Variants in ARSA observed in about 807,000 individuals in gnomAD.
ARSA encodes the protein arylsulfatase A.
Under a neutral mutation model 37.8 loss-of-function variants are expected in ARSA, and 32 were observed. The observed-to-expected ratio is 0.85, with a 90% confidence interval of 0.64 to 1.14. The LOEUF (loss-of-function observed/expected upper bound fraction) is 1.14. Ranked by LOEUF, ARSA falls within the 50% of genes most tolerant of loss-of-function variation. The pLI is 0.00. For missense variants in ARSA, 685 were observed against 686.3 expected (o/e 1.00, Z 0.02); for synonymous variants, 303 against 303.4 (o/e 1.00, Z 0.01).
rs1012982702 is a variant in ARSA at position 50,627,830 on chromosome 22, G to C, written c.-51C>G. ...AGGGAGGGCTACTTGGCTCCAGCAG[G>C]CTCTTTCCGATACCGCAGACCCAGG... On this transcript the variant is annotated 5_prime_UTR_variant, in exon 1 of 8. Coordinates refer to ENST00000216124, the MANE Select transcript of ARSA (RefSeq NM_000487.6). 5 of 1,498,760 alleles carry C rather than the reference G, an allele frequency of 3.3e-6. No homozygotes were observed. In the African/African-American group the frequency reaches 5.5e-5, roughly 17 times the overall value. 92.8% of individuals were successfully genotyped at this position (1,498,760 alleles called of 1,614,324 possible).
Position 50,625,968 on chromosome 22 carries a change from C to T in ARSA, c.1075G>A (p.Asp359Asn), listed in dbSNP as rs1197366514. 2 of 1,573,774 alleles carry T rather than the reference C, an allele frequency of 1.3e-6. No individual in the cohort carries two copies. Among genetic ancestry groups the T allele is most frequent in the Admixed American group, 3.9e-5 (2 of 51,918 alleles). The change falls in exon 6 of 8, where the codon GAC becomes AAC. Residue 359 changes from aspartate (D) to asparagine (N), a missense_variant. Coordinates refer to ENST00000216124, the MANE Select transcript of ARSA (RefSeq NM_000487.6). ...PLPNVTLDGF[D>N]LSPLLLGTGK... ...GTGCCCAGCAGCAGGGGGCTGAGGT[C>T]AAAGCCATCCAAGGTGACATTGGGC...
rs1376355508 is a variant in ARSA at position 50,627,723 on chromosome 22, A to G, written c.57T>C (p.Val19=). 2.6e-6 allele frequency: 4 copies of G among 1,553,472 alleles called. No homozygotes were observed. Among genetic ancestry groups the G allele is most frequent in the Non-Finnish European group, 3.5e-6 (4 of 1,148,646 alleles). ...TCAGCACGATGTTGGGCGGACGGGC[A>G]ACGGCCAGGCCAGCAGCCAGGGCCA... is the stretch of plus-strand genomic sequence containing the variant. The part of the protein sequence containing the change: ...LLLALAAGLA[V]ARPPNIVLIF... The change falls in exon 1 of 8, where the codon GTT becomes GTC. Residue 19 remains valine, a synonymous_variant. Transcript: ENST00000216124.
In ARSA at chr22:50,625,673, C is replaced by T; in HGVS notation, c.1116G>A (p.Arg372=). 6.2e-7 allele frequency: 1 copy of T among 1,613,476 alleles called. No individual in the cohort carries two copies. The highest frequency in any genetic ancestry group is 1.1e-5 in the South Asian group (1 of 91,076). ...AGGACGGGTAGAAGAAGAGAGACTG[C>T]CGAGGGCTCTGGGGGCAGAGTCAGG... is the stretch of plus-strand genomic sequence containing the variant. The part of the protein sequence containing the change: ...PLLLGTGKSP[R]QSLFFYPSYP... Residue 372 remains arginine, a synonymous_variant, in exon 7 of 8, where the codon CGG becomes CGA. Coordinates refer to ENST00000216124, the MANE Select transcript of ARSA (RefSeq NM_000487.6).
intron 6 of ARSA, 29 bp downstream of exon 6, chr22:50,625,907 G>T: frequency 6.4e-7 from 1 of 1,565,668 alleles, no homozygotes. Flanking sequence ...AGGGGCCAAG[G>T]ATCTGGGATC....
Position 50,627,208 on chromosome 22 carries a change from C to T in ARSA, c.423G>A (p.Gln141=). 6.2e-7 allele frequency: 1 copy of T among 1,612,770 alleles called. No individual in the cohort carries two copies. The highest frequency in any genetic ancestry group is 8.5e-7 in the Non-Finnish European group (1 of 1,179,634). ...GPEGAFLPPH[Q]GFHRFLGIPY... The stretch of plus-strand genomic sequence containing the variant: ...GGATGCCTAGAAATCGATGGAAGCC[C>T]TGATGGGGGGGCAGGAAGGCCCCCT... Residue 141 remains glutamine, a synonymous_variant, in exon 2 of 8, where the codon CAG becomes CAA. Coordinates refer to ENST00000216124, the MANE Select transcript of ARSA (RefSeq NM_000487.6).
Position 50,627,548 on chromosome 22 carries a change from C to T in ARSA, c.224+8G>A, listed in dbSNP as rs775536824. On this transcript the variant is annotated splice_region_variant and intron_variant, in intron 1 of 7. Coordinates refer to ENST00000216124, the MANE Select transcript of ARSA (RefSeq NM_000487.6). ...CGGGGCGGGGAAGAGGCGCGGCCCCCTCTTTACCTAGAGGGTGTGCACAGA... is the reference window on the plus strand; with the variant it reads ...CGGGGCGGGGAAGAGGCGCGGCCCCTTCTTTACCTAGAGGGTGTGCACAGA... 1.6e-5 allele frequency: 25 copies of T among 1,560,450 alleles called. No homozygotes were observed. In the East Asian group the frequency reaches 1.9e-4, roughly 12 times the overall value.
rs746259972 is a variant in ARSA at position 50,627,306 on chromosome 22, C to T, written c.325G>A (p.Val109Met). The T allele has an allele frequency of 2.5e-5, 39 of 1,587,362 alleles. 1 individual carries two copies. The highest frequency in any genetic ancestry group is 1.7e-4 in the Middle Eastern group (1 of 6,042). ...RGGLPLEEVT[V>M]AEVLAARGYL... ...CCTCGGGCAGCCAGGACTTCGGCCA[C>T]GGTCACCTCCTCCAGGGGCAGGCCC... Residue 109 changes from valine to methionine, a missense_variant, in exon 2 of 8, where the codon GTG becomes ATG. Val to Met is a conservative substitution (Grantham distance 21). Coordinates refer to ENST00000216124, the MANE Select transcript of ARSA (RefSeq NM_000487.6).
chr22:50,625,862 C>T, intron 6 of ARSA, 74 bp downstream of exon 6: 1 of 1,550,122 alleles, frequency 6.5e-7, no homozygotes, highest in Non-Finnish European at 8.7e-7. Flanking sequence ...GACTCTCAGG[C>T]ACTGCCCACA....
In ARSA at chr22:50,627,611, C is replaced by T. The variant is rs957552414; in HGVS notation, c.169G>A (p.Gly57Arg). ...TTPNLDQLAA[G>R]GLRFTDFYVP... Reference sequence around the variant, plus strand: ...TAGAAGTCTGTGAACCGCAGCCCTCCCGCCGCCAGCTGGTCCAGGTTGGGA... The same window carrying T: ...TAGAAGTCTGTGAACCGCAGCCCTCTCGCCGCCAGCTGGTCCAGGTTGGGA... The change falls in exon 1 of 8, where the codon GGA becomes AGA. Residue 57 changes from glycine to arginine, a missense_variant. Coordinates refer to ENST00000216124, the MANE Select transcript of ARSA (RefSeq NM_000487.6). The T allele has an allele frequency of 4.2e-5, 66 of 1,563,096 alleles. No individual in the cohort carries two copies. Among genetic ancestry groups the T allele is most frequent in the Non-Finnish European group, 5.5e-5 (64 of 1,153,310 alleles).
In ARSA at chr22:50,626,501, AC is replaced by A. The variant is rs561200237; in HGVS notation, c.854+89del. On this transcript the variant is annotated intron_variant, in intron 4 of 7. Coordinates refer to ENST00000216124, the MANE Select transcript of ARSA (RefSeq NM_000487.6). Reference sequence around the variant, plus strand: ...AGCATCTCCTGGCACCCCCTCACCCACTATGTTCTTGGCAAGCAGCTGAACT... The same window carrying A: ...AGCATCTCCTGGCACCCCCTCACCCATATGTTCTTGGCAAGCAGCTGAACT... 1,286 of 1,582,400 alleles carry A rather than the reference AC, an allele frequency of 8.1e-4. 19 individuals carry two copies. Among genetic ancestry groups the A allele is most frequent in the South Asian group, 7.9e-3 (707 of 89,696 alleles).
At position 50,625,230 on chromosome 22, in the gene ARSA, C is replaced by T. The variant is rs745438306; in HGVS notation, c.1445G>A (p.Gly482Asp). 3 of 1,610,022 alleles carry T rather than the reference C, an allele frequency of 1.9e-6. No individual in the cohort carries two copies. The highest frequency in any genetic ancestry group is 1.7e-5 in the Admixed American group (1 of 59,810). The change falls in exon 8 of 8, where the codon GGC (glycine) becomes GAC (aspartate). Residue 482 changes from glycine (G) to aspartate (D), a missense_variant. Transcript: ENST00000216124. ...GCAGATCTGCAGGGCGGGGTCCTCG[C>T]CCCGGGCCACCTGGCTGGGGCCGAA... Reference protein sequence around the residue: ...VTFGPSQVARGEDPALQICCH... With the variant: ...VTFGPSQVARDEDPALQICCH...
rs60504011 is a variant in ARSA at position 50,627,219 on chromosome 22, G to T, written c.412C>A (p.Pro138Thr). The change falls in exon 2 of 8, where the codon CCC becomes ACC. Residue 138 changes from proline (P) to threonine (T), a missense_variant. By Grantham distance (38) the Pro-to-Thr change is conservative (BLOSUM62 -1). Coordinates refer to ENST00000216124, the MANE Select transcript of ARSA (RefSeq NM_000487.6). ...LGVGPEGAFL[P>T]PHQGFHRFLG... is the part of the protein sequence containing the mutation. Reference sequence around the variant, plus strand: ...AATCGATGGAAGCCCTGATGGGGGGGCAGGAAGGCCCCCTCAGGCCCCACC... The same window carrying T: ...AATCGATGGAAGCCCTGATGGGGGGTCAGGAAGGCCCCCTCAGGCCCCACC... 6.2e-7 allele frequency: 1 copy of T among 1,611,904 alleles called. No individual in the cohort carries two copies. Among genetic ancestry groups the T allele is most frequent in the Non-Finnish European group, 8.5e-7 (1 of 1,179,304 alleles).
rs2082703290 is a variant in ARSA at position 50,627,791 on chromosome 22, G to A, written c.-12C>T. 6.5e-7 allele frequency: 1 copy of A among 1,539,984 alleles called. No individual in the cohort carries two copies. Among genetic ancestry groups the A allele is most frequent in the Non-Finnish European group, 8.7e-7 (1 of 1,146,186 alleles). On this transcript the variant is annotated 5_prime_UTR_variant, in exon 1 of 8. Transcript: ENST00000216124. ...GCCCCCATGGACATGGGACCGAGGGGTCTGTCCCAAGAGAGGGAGGGCTAC... is the reference window on the plus strand; with the variant it reads ...GCCCCCATGGACATGGGACCGAGGGATCTGTCCCAAGAGAGGGAGGGCTAC...
intron 6 of ARSA, 120 bp from the exon 7 acceptor site, chr22:50,625,801 G>C (rs2082655126): frequency 6.5e-7 from 1 of 1,542,402 alleles, no homozygotes; most frequent in Admixed American, 1.9e-5. Context: ...CCAGGAACCT[G>C]AGAGGTGGCG....
rs758790900 is a variant in ARSA, at chr22:50,627,358, A to C, written c.273T>G (p.Pro91=). ...CCCGGGAGCTGGGCACCAGGACGCC[A>C]GGGTACATGCCCATCCGAACCGGGA... ...GRLPVRMGMY[P]GVLVPSSRGG... Residue 91 remains proline (P), a synonymous_variant, in exon 2 of 8, where the codon CCT becomes CCG. Transcript: ENST00000216124. 7 of 1,601,602 alleles carry C rather than the reference A, an allele frequency of 4.4e-6. No individual in the cohort carries two copies. The East Asian group carries it at 1.3e-4, about 31-fold the overall frequency.
chr22:50,625,827 T>C, intron 6 of ARSA, 109 bp downstream of exon 6: 3 of 1,541,692 alleles, frequency 1.9e-6, no homozygotes, highest in Non-Finnish European at 2.6e-6. Context: ...TGGATGCCAC[T>C]CAGTGCAGGA....
At chr22:50,626,128 T>C (rs956304504) in intron 5 of ARSA, 26 bp downstream of exon 5, 1 of 1,599,584 alleles carries the variant, frequency 6.3e-7, no homozygotes, top group Non-Finnish European at 8.5e-7. Context: ...GGGCCAGGGT[T>C]CCAAGGAGAG....
chr22:50,625,854 C>G (rs2082655774), intron 6 of ARSA, 82 bp downstream of exon 6: 7 of 1,547,176 alleles, frequency 4.5e-6, no homozygotes, highest in African/African-American at 1.4e-5. Flanking sequence ...GAGGCACAGA[C>G]TCTCAGGCAC....
Position 50,626,233 on chromosome 22 carries a change from C to A in ARSA, c.900G>T (p.Leu300Phe). ...RMSRGGCSGL[L>F]RCGKGTTYEG... ...CGTAGGTCGTTCCCTTTCCACACCG[C>A]AAGAGACCGGAGCAGCCGCCTCGGG... The change falls in exon 5 of 8, where the codon TTG becomes TTT. Residue 300 changes from leucine to phenylalanine, a missense_variant. Transcript: ENST00000216124. 6.2e-7 allele frequency: 1 copy of A among 1,613,574 alleles called. No homozygotes were observed. The highest frequency in any genetic ancestry group is 1.1e-5 in the South Asian group (1 of 91,004).
Sources: gnomAD v4.1 joint callset for allele counts on GRCh38, gnomAD v4.1.1 for gene constraint, MANE v1.5 for transcripts, NCBI Gene and HGNC (gene_info 2026-07-23, HGNC 2026-07-21) for gene names.